Variants in WBP1L observed in about 807,000 individuals in gnomAD.
WBP1L encodes WW domain binding protein 1 like, also known as WW domain binding protein 1-like.
In WBP1L, 17 loss-of-function variants were observed where a neutral mutation model predicts 33.7. The observed-to-expected ratio is 0.50, with a 90% CI of 0.34 to 0.76. WBP1L has a LOEUF of 0.76. Among genes scored for constraint, WBP1L ranks in the 30% least tolerant of loss-of-function variants. The pLI, the probability that WBP1L is intolerant of heterozygous loss-of-function variation, is 0.01. For missense variants in WBP1L, 389 were observed against 469.4 expected (o/e 0.83, Z 1.58); for synonymous variants, 173 against 190.8 (o/e 0.91, Z 0.77).
At chr10:102,795,721 T>C (rs1346877491) in intron 1 of WBP1L, among the ~76,000 whole-genome samples, 1 of 152,236 alleles carries the variant, frequency 6.6e-6, no homozygotes, top group Admixed American at 6.5e-5. Flanking sequence ...TTAGAAACTA[T>C]GTGGACACTT....
intron 2 of WBP1L, among the ~76,000 whole-genome samples, chr10:102,799,717 C>T (rs1459662363): frequency 2.0e-5 from 3 of 152,064 alleles, no homozygotes; most frequent in Non-Finnish European, 4.4e-5. Flanking sequence ...CATGACCTTG[C>T]CCCCACCATC....
chr10:102,781,167 C>A (rs1843329833), intron 1 of WBP1L, among the ~76,000 whole-genome samples: 1 of 152,198 alleles, frequency 6.6e-6, no homozygotes, highest in African/African-American at 2.4e-5. Flanking sequence ...ATGGTACTTA[C>A]TCCCTGGGCA....
intron 1 of WBP1L, among the ~76,000 whole-genome samples, chr10:102,756,413 G>C (rs532212713): frequency 1.3e-5 from 2 of 152,118 alleles, no homozygotes; most frequent in African/African-American, 4.8e-5. Flanking sequence ...CTGTCTCAGG[G>C]GGGTGGTGGG....
chr10:102,804,378 AC>A (rs1843701738), intron 2 of WBP1L, among the ~76,000 whole-genome samples: 1 of 126,706 alleles, frequency 7.9e-6, no homozygotes. Flanking sequence ...ACAGAGCAAG[AC>A]CCTGTCTCAA....
intron 2 of WBP1L, among the ~76,000 whole-genome samples, chr10:102,805,319 C>T (rs1373427540): frequency 6.6e-6 from 1 of 152,012 alleles, no homozygotes; most frequent in African/African-American, 2.4e-5. Flanking sequence ...ATTGTAAAAG[C>T]TGTGAAATAG....
intron 1 of WBP1L, among the ~76,000 whole-genome samples, chr10:102,775,929 C>A (rs1386146961): frequency 6.6e-6 from 1 of 152,144 alleles, no homozygotes. Context: ...TTATGTACCC[C>A]CCAGCCTGCT....
intron 1 of WBP1L, among the ~76,000 whole-genome samples, chr10:102,755,704 T>TA (rs1343926924): frequency 6.6e-6 from 1 of 151,662 alleles, no homozygotes; most frequent in Non-Finnish European, 1.5e-5. Flanking sequence ...ACATTCTTTT[T>TA]AAATGACACA....
rs568846569 is a variant in WBP1L at position 102,812,895 on chromosome 10, G to A, written c.656G>A (p.Gly219Asp). ...AAAGCCCCAGGGATGGAGCCCAGTGGCTCTGTGGCTGGCCTGGGGGAGCTG... is the reference window on the plus strand; with the variant it reads ...AAAGCCCCAGGGATGGAGCCCAGTGACTCTGTGGCTGGCCTGGGGGAGCTG... Reference protein sequence around the residue: ...ATKAPGMEPSGSVAGLGELDP... With the variant: ...ATKAPGMEPSDSVAGLGELDP... Residue 219 changes from glycine (G) to aspartate (D), a missense_variant, in exon 4 of 4, where the codon GGC becomes GAC. Transcript: ENST00000448841. 46 of 1,578,012 alleles carry A rather than the reference G, an allele frequency of 2.9e-5. No individual in the cohort carries two copies. In the East Asian group the frequency reaches 9.9e-4, roughly 34 times the overall value.
chr10:102,763,877 G>A (rs12775376), intron 1 of WBP1L, among the ~76,000 whole-genome samples: 35,043 of 152,078 alleles, frequency 0.23, 5,057 homozygotes, highest in Non-Finnish European at 0.33. Flanking sequence ...GCAGTGGCGC[G>A]ATCTCGACTC....
intron 1 of WBP1L, among the ~76,000 whole-genome samples, chr10:102,758,430 T>C (rs1843002404): frequency 6.6e-6 from 1 of 152,212 alleles, no homozygotes; most frequent in Non-Finnish European, 1.5e-5. Context: ...TTTATGGATT[T>C]ATCTATTCTG....
At chr10:102,777,161 GCTTCTGAGAGT>G (rs1233732760) in intron 1 of WBP1L, among the ~76,000 whole-genome samples, 1 of 152,114 alleles carries the variant, frequency 6.6e-6, no homozygotes, top group African/African-American at 2.4e-5. Context: ...TTGTTCCAGG[GCTTCTGAGAGT>G]CAGACACCCC....
At chr10:102,751,938 C>T (rs1842927816) in intron 1 of WBP1L, among the ~76,000 whole-genome samples, 1 of 152,148 alleles carries the variant, frequency 6.6e-6, no homozygotes, top group African/African-American at 2.4e-5. Flanking sequence ...TAATTATCAC[C>T]ATTATTGCTG....
At chr10:102,800,508 A>G (rs1021742544) in intron 2 of WBP1L, among the ~76,000 whole-genome samples, 23 of 152,200 alleles carry the variant, frequency 1.5e-4, no homozygotes, top group Non-Finnish European at 4.4e-5. Flanking sequence ...GAGCTGCATG[A>G]ACGGCTAAGT....
chr10:102,799,818 C>T (rs990695488), intron 2 of WBP1L, among the ~76,000 whole-genome samples: 10 of 152,016 alleles, frequency 6.6e-5, no homozygotes, highest in Non-Finnish European at 1.0e-4. Flanking sequence ...ATTGTTTGGT[C>T]CAGAAAGGAA....
At chr10:102,753,930 G>A (rs1842947123) in intron 1 of WBP1L, among the ~76,000 whole-genome samples, 1 of 152,130 alleles carries the variant, frequency 6.6e-6, no homozygotes, top group Non-Finnish European at 1.5e-5. Context: ...TCAGATCAGA[G>A]GCATGCATTC....
At chr10:102,746,538 A>G (rs1030270025) in intron 1 of WBP1L, among the ~76,000 whole-genome samples, 1 of 151,926 alleles carries the variant, frequency 6.6e-6, no homozygotes, top group Non-Finnish European at 1.5e-5. Flanking sequence ...AACCTTCGGA[A>G]TGCAAGTTAC....
At chr10:102,754,752 T>C (rs1162558450) in intron 1 of WBP1L, among the ~76,000 whole-genome samples, 1 of 152,090 alleles carries the variant, frequency 6.6e-6, no homozygotes, top group Non-Finnish European at 1.5e-5. Context: ...CTGCCCAGGC[T>C]GGAGTACAGT....
At chr10:102,769,132 T>G (rs990701712) in intron 1 of WBP1L, among the ~76,000 whole-genome samples, 3 of 152,172 alleles carry the variant, frequency 2.0e-5, no homozygotes, top group Non-Finnish European at 4.4e-5. Flanking sequence ...CTACAAGGTG[T>G]ACGCCGCCAT....
chr10:102,766,772 C>G (rs1486592802), intron 1 of WBP1L, among the ~76,000 whole-genome samples: 1 of 151,718 alleles, frequency 6.6e-6, no homozygotes, highest in African/African-American at 2.4e-5. Context: ...GCGGAGGTTG[C>G]AGTGAGCCGA....
Sources: allele counts gnomAD v4.1 joint callset (sites outside exome capture counted in the v4.1 genomes callset), GRCh38; gene constraint gnomAD v4.1.1; transcripts MANE v1.5; gene names NCBI Gene and HGNC (gene_info 2026-07-23, HGNC 2026-07-21).